XCR1: variants seen among roughly 807,000 people sequenced by gnomAD.
XCR1 encodes chemokine XC receptor 1.
For synonymous variants in XCR1, 187 were observed against 188.5 expected, an observed-to-expected ratio of 0.99 and a Z score of 0.06; for missense variants, 356 against 424.2, an observed-to-expected ratio of 0.84 and a Z score of 1.41.
intron 1 of XCR1, among the ~76,000 whole-genome samples, chr3:46,077,016 A>G (rs1004052660): frequency 1.3e-5 from 2 of 152,196 alleles, no homozygotes; most frequent in Non-Finnish European, 2.9e-5. Context: ...AAGCTGTCAC[A>G]TCTCAGTCCC....
intron 4 of XCR1, among the ~76,000 whole-genome samples, chr3:46,065,026 G>A (rs1005928535): frequency 6.6e-6 from 1 of 152,098 alleles, no homozygotes; most frequent in African/African-American, 2.4e-5. Flanking sequence ...GCAAGGTGCA[G>A]GTTGTGGTGA....
At chr3:46,050,670 G>A (rs1697722930) in intron 5 of XCR1, among the ~76,000 whole-genome samples, 2 of 152,064 alleles carry the variant, frequency 1.3e-5, no homozygotes, top group South Asian at 4.1e-4. Context: ...CATGCCTTGA[G>A]GTAAAACTTC....
At chr3:46,023,338 AG>A in intron 1 of XCR1, 1 of 1,282,992 alleles carries the variant, frequency 7.8e-7, no homozygotes, top group Non-Finnish European at 1.1e-6. Context: ...TCATCAGCAG[AG>A]CAGACGAGCC....
upstream of XCR1, among the ~76,000 whole-genome samples, chr3:46,032,345 G>A (rs1277125761): frequency 6.6e-6 from 1 of 152,228 alleles, no homozygotes; most frequent in African/African-American, 2.4e-5. Flanking sequence ...GAAGCTGCTT[G>A]TGGTGCATCT....
In XCR1 at chr3:46,042,738, A is replaced by G. The variant is rs1697557725; in HGVS notation, c.-32+11182T>C. ...GTTGGCTTTGTTGGTGAATTCTACC[A>G]AACATTTAAAGAAGAATTAACTCCA... is the stretch of plus-strand genomic sequence containing the variant. On this transcript the variant is annotated intron_variant, in intron 5 of 5. Coordinates refer to the XCR1 transcript ENST00000683768. 3.9e-5 allele frequency among the ~76,000 whole-genome samples: 6 copies of G among 152,352 alleles called. No individual in the cohort carries two copies. The South Asian group carries it at 1.2e-3, about 32-fold the overall frequency.
intron 3 of XCR1, among the ~76,000 whole-genome samples, chr3:46,070,587 C>T (rs1293867169): frequency 1.3e-5 from 2 of 151,932 alleles, no homozygotes; most frequent in African/African-American, 4.8e-5. Context: ...ACTATAGCTA[C>T]TCCTGCTTCC....
intron 5 of XCR1, among the ~76,000 whole-genome samples, chr3:46,034,699 T>C (rs1697386676): frequency 2.0e-5 from 3 of 152,336 alleles, no homozygotes; most frequent in Middle Eastern, 6.8e-3. Flanking sequence ...CTGAATAATA[T>C]ACATGGTACC....
chr3:46,023,803 G>C, intron 1 of XCR1: 2 of 1,541,258 alleles, frequency 1.3e-6, no homozygotes, highest in Non-Finnish European at 1.8e-6. Context: ...AATTATAGAG[G>C]AATAGGCAAC....
chr3:46,036,916 C>T (rs967130679), intron 5 of XCR1, among the ~76,000 whole-genome samples: 3 of 152,098 alleles, frequency 2.0e-5, no homozygotes, highest in Non-Finnish European at 2.9e-5. Flanking sequence ...TCGAGATAAA[C>T]TGCCAAAAAT....
chr3:46,053,492 A>G (rs970246782), intron 5 of XCR1, among the ~76,000 whole-genome samples: 6 of 152,126 alleles, frequency 3.9e-5, no homozygotes, highest in African/African-American at 7.2e-5. Context: ...TTTATTTTCA[A>G]TTGGAGCTGT....
chr3:46,082,340 CCT>C (rs1698383548), intron 1 of XCR1, among the ~76,000 whole-genome samples: 1 of 151,804 alleles, frequency 6.6e-6, no homozygotes, highest in African/African-American at 2.4e-5. Context: ...CTGTGAGTAT[CCT>C]CTCTTGGATA....
chr3:46,028,752 G>T (rs1315278845), upstream of XCR1, among the ~76,000 whole-genome samples: 1 of 151,930 alleles, frequency 6.6e-6, no homozygotes, highest in Non-Finnish European at 1.5e-5. Flanking sequence ...ACCACATCCA[G>T]CTAATTATTT....
intron 5 of XCR1, among the ~76,000 whole-genome samples, chr3:46,045,365 C>T (rs373700020): frequency 8.6e-5 from 13 of 151,520 alleles, no homozygotes; most frequent in Non-Finnish European, 1.6e-4. Context: ...GCCGAGATCG[C>T]GCCAGAGTGA....
intron 5 of XCR1, among the ~76,000 whole-genome samples, chr3:46,038,539 G>T (rs1697477676): frequency 6.6e-6 from 1 of 152,038 alleles, no homozygotes; most frequent in Non-Finnish European, 1.5e-5. Flanking sequence ...TAGACATTTT[G>T]TTTCCTATGC....
intron 4 of XCR1, among the ~76,000 whole-genome samples, chr3:46,059,612 T>A (rs1392295): frequency 0.7 from 107,186 of 152,096 alleles, 38,593 homozygotes; most frequent in East Asian, 0.94. Context: ...TACTTCTATA[T>A]AACATGCAGT....
chr3:46,050,534 T>A (rs1191237853), intron 5 of XCR1, among the ~76,000 whole-genome samples: 1 of 152,182 alleles, frequency 6.6e-6, no homozygotes, highest in Non-Finnish European at 1.5e-5. Flanking sequence ...TATGTAAAAT[T>A]TGATCTGTAG....
intron 5 of XCR1, among the ~76,000 whole-genome samples, chr3:46,052,513 G>T (rs1338810999): frequency 1.3e-5 from 2 of 152,180 alleles, no homozygotes; most frequent in Non-Finnish European, 2.9e-5. Context: ...TCTGTCCTGA[G>T]ATCTGGTGGC....
intron 4 of XCR1, among the ~76,000 whole-genome samples, chr3:46,061,320 G>A (rs577909500): frequency 1.8e-4 from 27 of 152,296 alleles, no homozygotes; most frequent in African/African-American, 5.1e-4. Flanking sequence ...CTCAGCAGAG[G>A]CTGCAGCCAG....
At chr3:46,036,315 C>T (rs1274130179) in intron 5 of XCR1, among the ~76,000 whole-genome samples, 2 of 152,196 alleles carry the variant, frequency 1.3e-5, no homozygotes, top group Non-Finnish European at 2.9e-5. Context: ...GCTATGGAAA[C>T]TGCTTTACCC....
Sources: allele counts gnomAD v4.1 joint callset (sites outside exome capture counted in the v4.1 genomes callset), GRCh38; gene constraint gnomAD v4.1.1; transcripts MANE v1.5; gene names NCBI Gene and HGNC (gene_info 2026-07-23, HGNC 2026-07-21).